Variants in CRYBG1 observed in about 807,000 individuals in gnomAD.
CRYBG1 encodes beta/gamma crystallin domain-containing protein 1.
Under a neutral mutation model 189.2 loss-of-function variants are expected in CRYBG1, and 139 were observed. That is an observed-to-expected ratio of 0.73 (90% CI 0.64 to 0.85). The LOEUF is 0.85. Ranked by LOEUF, CRYBG1 falls within the 40% of genes least tolerant of loss-of-function variation. The pLI is 0.00. For synonymous variants in CRYBG1, 1,023 were observed against 1,017.1 expected (o/e 1.01, Z -0.11); for missense variants, 2,611 against 2,675.8 (o/e 0.98, Z 0.53).
chr6:106,568,001 G>A (rs1457457500), intron 21 of CRYBG1, among the ~76,000 whole-genome samples: 1 of 145,058 alleles, frequency 6.9e-6, no homozygotes, highest in African/African-American at 2.7e-5. Flanking sequence ...GTTCATGCAA[G>A]TGCTGTTCCT....
At chr6:106,483,123 A>G (rs1772505976) in intron 2 of CRYBG1, among the ~76,000 whole-genome samples, 1 of 152,132 alleles carries the variant, frequency 6.6e-6, no homozygotes, top group Non-Finnish European at 1.5e-5. Flanking sequence ...CCTGTTGACC[A>G]GCCTCTTCCC....
intron 2 of CRYBG1, among the ~76,000 whole-genome samples, chr6:106,510,701 C>T (rs553961006): frequency 1.3e-5 from 2 of 152,306 alleles, no homozygotes; most frequent in South Asian, 4.1e-4. Context: ...TGCAACCTCG[C>T]CCGCTACCCC....
At chr6:106,418,129 C>T (rs761712686) in intron 1 of CRYBG1, among the ~76,000 whole-genome samples, 4 of 152,242 alleles carry the variant, frequency 2.6e-5, no homozygotes, top group Non-Finnish European at 5.9e-5. Context: ...AGTGACAAAA[C>T]AGCTTTCTGT....
In CRYBG1 at chr6:106,393,974, C is replaced by T. The variant is rs140135246; in HGVS notation, c.173+32893C>T. The stretch of plus-strand genomic sequence containing the variant: ...AGGTGTGAGCCACCACCCCTGGCCT[C>T]CTCTTCCTTTTTTGTCTTGTCCTAC... On this transcript the variant is annotated intron_variant, in intron 1 of 21. Transcript: ENST00000633556. Among the ~76,000 whole-genome samples the T allele has an allele frequency of 6.9e-3, 1,047 of 152,262 alleles. 16 individuals carry two copies. Among genetic ancestry groups the T allele is most frequent in the African/African-American group, 0.024 (981 of 41,558 alleles).
chr6:106,541,559 T>C, intron 9 of CRYBG1, 27 bp from the exon 10 acceptor site: 1 of 1,608,212 alleles, frequency 6.2e-7, no homozygotes, highest in Non-Finnish European at 8.5e-7. Context: ...TGAAAAACTA[T>C]TTTTCTTACT....
chr6:106,469,336 C>T (rs527297247), intron 2 of CRYBG1, among the ~76,000 whole-genome samples: 8 of 152,302 alleles, frequency 5.3e-5, no homozygotes, highest in Non-Finnish European at 4.4e-5. Flanking sequence ...TATTACTGTA[C>T]GATGTTTTCC....
intron 1 of CRYBG1, among the ~76,000 whole-genome samples, chr6:106,404,356 A>T (rs1770776144): frequency 6.6e-6 from 1 of 152,226 alleles, no homozygotes. Context: ...CAGCATGTAA[A>T]CATTTCTGTG....
At chr6:106,493,032 T>C (rs952482893) in intron 2 of CRYBG1, among the ~76,000 whole-genome samples, 1 of 152,036 alleles carries the variant, frequency 6.6e-6, no homozygotes, top group African/African-American at 2.4e-5. Context: ...TCCTTTTACA[T>C]AGACTTACAG....
At position 106,513,012 on chromosome 6, in the gene CRYBG1, G is replaced by T. The variant is rs1005581181; in HGVS notation, c.1895G>T (p.Arg632Met). Residue 632 changes from arginine (R) to methionine (M), a missense_variant, in exon 3 of 22, where the codon AGG becomes ATG. Arg to Met is a moderately conservative substitution (Grantham distance 91). This residue lies in a region of CRYBG1 where 985 missense variants were observed against 924.4 expected (regional missense o/e 1.07). Transcript: ENST00000633556. ...CCCAGGAACCATTTCGGCGTGGGCA[G>T]GTCGACAGTGACCACTAAAGTGACC... ...LKPRNHFGVG[R>M]STVTTKVTLP... is the part of the protein sequence containing the mutation. The T allele has an allele frequency of 4.4e-6, 7 of 1,606,030 alleles. No individual in the cohort carries two copies. The highest frequency in any genetic ancestry group is 5.9e-6 in the Non-Finnish European group (7 of 1,179,726).
At chr6:106,534,268 A>G (rs532558400) in intron 8 of CRYBG1, among the ~76,000 whole-genome samples, 1 of 152,200 alleles carries the variant, frequency 6.6e-6, no homozygotes, top group South Asian at 2.1e-4. Flanking sequence ...CCTGGGTGGT[A>G]GTTACCAGCC....
intron 1 of CRYBG1, among the ~76,000 whole-genome samples, chr6:106,400,665 T>A (rs1359211900): frequency 6.6e-6 from 1 of 152,204 alleles, no homozygotes; most frequent in South Asian, 2.1e-4. Context: ...TCAGGCACTA[T>A]ACCAGAAGTA....
chr6:106,509,041 A>G (rs1298343753), intron 2 of CRYBG1, among the ~76,000 whole-genome samples: 1 of 152,232 alleles, frequency 6.6e-6, no homozygotes, highest in Non-Finnish European at 1.5e-5. Context: ...AGAGTAATAC[A>G]TATACTTAGT....
chr6:106,529,212 C>T (rs915510744), intron 7 of CRYBG1, among the ~76,000 whole-genome samples: 2 of 152,162 alleles, frequency 1.3e-5, no homozygotes, highest in African/African-American at 4.8e-5. Context: ...TCCCAAAGGG[C>T]TGAGATTACA....
intron 2 of CRYBG1, among the ~76,000 whole-genome samples, chr6:106,491,834 A>G (rs1369570226): frequency 6.6e-6 from 1 of 152,128 alleles, no homozygotes; most frequent in Non-Finnish European, 1.5e-5. Context: ...TTCCCATGAC[A>G]TCACACCTAA....
At chr6:106,369,021 A>G (rs924240054) in intron 1 of CRYBG1, among the ~76,000 whole-genome samples, 3 of 152,238 alleles carry the variant, frequency 2.0e-5, no homozygotes, top group African/African-American at 7.2e-5. Flanking sequence ...AGCTTGAAGT[A>G]ATGCTAGTAA....
intron 7 of CRYBG1, among the ~76,000 whole-genome samples, chr6:106,527,976 T>G (rs920018541): frequency 6.6e-6 from 1 of 152,224 alleles, no homozygotes; most frequent in Non-Finnish European, 1.5e-5. Context: ...TTCTTGTTAT[T>G]TGATGAGGAA....
intron 1 of CRYBG1, among the ~76,000 whole-genome samples, chr6:106,406,328 GAA>G (rs913631730): frequency 6.6e-6 from 1 of 151,620 alleles, no homozygotes; most frequent in Non-Finnish European, 1.5e-5. Flanking sequence ...AGATTAGAGG[GAA>G]AAAAAATGAA....
In CRYBG1 at chr6:106,520,873, A is replaced by G. The variant is rs1773588109; in HGVS notation, c.3665A>G (p.Lys1222Arg). Residue 1222 changes from lysine (K) to arginine (R), a missense_variant, in exon 4 of 22, where the codon AAA becomes AGA. Transcript: ENST00000633556. ...CTGGTGATGCCGGAAATCAATGACA[A>G]AGAGAACAGGGACGTCACAAATGGT... Reference protein sequence around the residue: ...EPLVMPEINDKENRDVTNGGI... With the variant: ...EPLVMPEINDRENRDVTNGGI... 6.2e-7 allele frequency: 1 copy of G among 1,614,048 alleles called. No homozygotes were observed. The highest frequency in any genetic ancestry group is 8.5e-7 in the Non-Finnish European group (1 of 1,180,018).
chr6:106,374,402 AAT>A (rs1185225213), intron 1 of CRYBG1, among the ~76,000 whole-genome samples: 1 of 152,144 alleles, frequency 6.6e-6, no homozygotes, highest in Non-Finnish European at 1.5e-5. Context: ...AAATAAAAAA[AAT>A]AAAAATAACT....
Sources: allele counts gnomAD v4.1 joint callset (sites outside exome capture counted in the v4.1 genomes callset), GRCh38; gene constraint gnomAD v4.1.1; regional missense constraint gnomAD v4.1.1; transcripts MANE v1.5; gene names NCBI Gene and HGNC (gene_info 2026-07-23, HGNC 2026-07-21).